ITPK1: variants seen among roughly 807,000 people sequenced by gnomAD.
ITPK1 encodes inositol-tetrakisphosphate 1-kinase, also known as inositol 1,3,4-trisphosphate 5/6-kinase.
ITPK1 carries 21 observed loss-of-function variants against 45.3 expected under a neutral mutation model. That is an observed-to-expected ratio of 0.46 (90% CI 0.33 to 0.67). ITPK1 has a LOEUF of 0.67. Among genes scored for constraint, ITPK1 ranks in the 30% least tolerant of loss-of-function variants. The pLI, the probability that ITPK1 is intolerant of heterozygous loss-of-function variation, is 0.02. For missense variants in ITPK1, 474 were observed against 573.5 expected, an observed-to-expected ratio of 0.83 and a Z score of 1.77; for synonymous variants, 258 against 253.6, an observed-to-expected ratio of 1.02 and a Z score of -0.16.
At chr14:93,056,257 G>A (rs1228797905) in intron 3 of ITPK1, among the ~76,000 whole-genome samples, 1 of 152,206 alleles carries the variant, frequency 6.6e-6, no homozygotes, top group African/African-American at 2.4e-5. Context: ...GAGTCAGAAA[G>A]ATCACAGGGA....
At chr14:92,947,610 T>C (rs1265465211) in intron 9 of ITPK1, among the ~76,000 whole-genome samples, 1 of 152,224 alleles carries the variant, frequency 6.6e-6, no homozygotes, top group African/African-American at 2.4e-5. Context: ...CAGACTTATG[T>C]TGATAAGGTG....
At chr14:93,021,160 A>T (rs1158329033) in intron 3 of ITPK1, among the ~76,000 whole-genome samples, 3 of 152,094 alleles carry the variant, frequency 2.0e-5, no homozygotes, top group African/African-American at 7.2e-5. Flanking sequence ...CTGAAGTCTG[A>T]CTTATTCCTC....
At chr14:93,113,004 C>T (rs1298770914) in intron 2 of ITPK1, among the ~76,000 whole-genome samples, 1 of 152,150 alleles carries the variant, frequency 6.6e-6, no homozygotes. Context: ...GGGGGCACTG[C>T]CCTGAAAGTA....
chr14:93,029,303 CT>C (rs1888910822), intron 3 of ITPK1, among the ~76,000 whole-genome samples: 1 of 152,120 alleles, frequency 6.6e-6, no homozygotes, highest in South Asian at 2.1e-4. Flanking sequence ...TCACCTCCAC[CT>C]GGGGTCTGGA....
intron 3 of ITPK1, among the ~76,000 whole-genome samples, chr14:93,048,719 TG>T (rs1032244974): frequency 4.6e-5 from 7 of 152,038 alleles, no homozygotes; most frequent in African/African-American, 1.4e-4. Context: ...GAGGCCAAGG[TG>T]GGTGGATTGC....
intron 5 of ITPK1, among the ~76,000 whole-genome samples, chr14:92,965,169 G>A (rs552903406): frequency 3.8e-4 from 58 of 152,326 alleles, no homozygotes; most frequent in Middle Eastern, 3.4e-3. Context: ...GTTCCTGACA[G>A]CATGCTACTC....
chr14:93,103,427 A>T (rs895063279), intron 2 of ITPK1, among the ~76,000 whole-genome samples: 27 of 152,068 alleles, frequency 1.8e-4, no homozygotes, highest in African/African-American at 6.0e-4. Context: ...CTCAAAAAAA[A>T]AATAAGAAGA....
intron 5 of ITPK1, among the ~76,000 whole-genome samples, chr14:92,966,855 G>A (rs774210528): frequency 3.9e-5 from 6 of 152,182 alleles, no homozygotes; most frequent in Admixed American, 1.3e-4. Context: ...AAGAATATTC[G>A]TTTCAACAAA....
rs560048364 is a variant in ITPK1 at position 92,940,784 on chromosome 14, G to A, written c.*777C>T. On this transcript the variant is annotated 3_prime_UTR_variant, in exon 11 of 11. Transcript: ENST00000267615. ...CACAGCACAAATCCTCAGCACAGGC[G>A]CCATCGGCTCGGGCCTCCAGCCAGG... 10 of 1,288,930 alleles carry A rather than the reference G, an allele frequency of 7.8e-6. No individual in the cohort carries two copies. The highest frequency in any genetic ancestry group is 6.9e-5 in the Admixed American group (3 of 43,508). 79.8% of individuals were successfully genotyped at this position (1,288,930 alleles called of 1,614,324 possible).
chr14:93,024,882 C>T (rs1443086335), intron 3 of ITPK1, among the ~76,000 whole-genome samples: 2 of 152,234 alleles, frequency 1.3e-5, no homozygotes, highest in South Asian at 4.2e-4. Flanking sequence ...GGGAGTGGGC[C>T]GACAACACAG....
chr14:93,062,643 TCAGAACATCATGCAGGA>T (rs145812201), intron 3 of ITPK1, among the ~76,000 whole-genome samples: 4,985 of 151,854 alleles, frequency 0.033, 286 homozygotes, highest in African/African-American at 0.11. Context: ...TTCTGGAGGG[TCAGAACATCATGCAGGA>T]CAGAGGTCAG....
chr14:93,105,701 GGT>G (rs1491308104), intron 2 of ITPK1, among the ~76,000 whole-genome samples: 3 of 138,794 alleles, frequency 2.2e-5, no homozygotes, highest in African/African-American at 8.9e-5. Flanking sequence ...ATTTTTGTGG[GGT>G]TTTTTTTTTT....
Position 92,938,885 on chromosome 14 carries a change from A to G in ITPK1, c.*2676T>C. 2.9e-5 allele frequency: 11 copies of G among 374,106 alleles called. No homozygotes were observed. Among genetic ancestry groups the G allele is most frequent in the South Asian group, 2.8e-4 (9 of 32,474 alleles). The allele number at this position is 374,106 out of a possible 1,614,324, so 23.2% of individuals were successfully genotyped here. ...CCACGGCCTCAGCCCCAGGGTGCTC[A>G]ATGCAGACTGTGCAGGTGACCCTCT... On this transcript the variant is annotated 3_prime_UTR_variant, in exon 11 of 11. Coordinates refer to ENST00000267615, the MANE Select transcript of ITPK1 (RefSeq NM_014216.6).
intron 2 of ITPK1, among the ~76,000 whole-genome samples, chr14:93,100,333 A>G (rs930070136): frequency 6.6e-6 from 1 of 152,142 alleles, no homozygotes; most frequent in Non-Finnish European, 1.5e-5. Context: ...TAGCCCTTCT[A>G]TGAGAAACAG....
intron 9 of ITPK1, 126 bp from the exon 10 acceptor site, chr14:92,946,619 C>A (rs1007785989): frequency 1.0e-6 from 1 of 959,950 alleles, no homozygotes; most frequent in South Asian, 1.5e-5. Context: ...GCCAGACAGA[C>A]CTACTGTGGT....
chr14:93,078,969 C>T (rs890571931), intron 2 of ITPK1, among the ~76,000 whole-genome samples: 2 of 152,018 alleles, frequency 1.3e-5, no homozygotes, highest in Admixed American at 6.6e-5. Flanking sequence ...GACAGAGGAG[C>T]GCAGACTTCC....
intron 3 of ITPK1, among the ~76,000 whole-genome samples, chr14:93,017,774 C>G (rs1022555899): frequency 6.6e-6 from 1 of 152,254 alleles, no homozygotes; most frequent in African/African-American, 2.4e-5. Flanking sequence ...GGATTCAAGG[C>G]TGACTGTTTT....
chr14:93,096,716 G>C (rs930743685), intron 2 of ITPK1, among the ~76,000 whole-genome samples: 1 of 152,238 alleles, frequency 6.6e-6, no homozygotes, highest in Non-Finnish European at 1.5e-5. Flanking sequence ...GGCTCTCCCA[G>C]TTGGAATGTT....
intron 3 of ITPK1, among the ~76,000 whole-genome samples, chr14:93,039,305 T>C (rs189612655): frequency 6.4e-4 from 98 of 152,278 alleles, no homozygotes; most frequent in Non-Finnish European, 9.3e-4. Context: ...TTCTCTCTCC[T>C]TCTCAGCTAC....
Sources: gnomAD v4.1 joint callset for allele counts (sites outside exome capture counted in the v4.1 genomes callset) on GRCh38, gnomAD v4.1.1 for gene constraint, MANE v1.5 for transcripts, NCBI Gene and HGNC (gene_info 2026-07-23, HGNC 2026-07-21) for gene names.